Variants in SFMBT1 observed in about 807,000 individuals in gnomAD.
The protein encoded by SFMBT1 is Scm like with four mbt domains 1, also known as scm-like with four MBT domains protein 1.
SFMBT1 carries 32 observed loss-of-function variants against 108.7 expected under a neutral mutation model. That is an observed-to-expected ratio of 0.29 (90% CI 0.22 to 0.40). SFMBT1 has a LOEUF of 0.40. SFMBT1 is among the 10% of genes least tolerant of loss of function. The pLI is 1.00. For missense variants in SFMBT1, 816 were observed against 1,059.6 expected, an observed-to-expected ratio of 0.77 and a Z score of 3.19; for synonymous variants, 348 against 369.5, an observed-to-expected ratio of 0.94 and a Z score of 0.67.
At chr3:52,964,607 C>T (rs1704071001) in intron 2 of SFMBT1, among the ~76,000 whole-genome samples, 1 of 152,110 alleles carries the variant, frequency 6.6e-6, no homozygotes, top group South Asian at 2.1e-4. Context: ...AATTAGCACT[C>T]CAGCACCCAG....
chr3:52,949,830 C>T (rs971792425), intron 3 of SFMBT1, among the ~76,000 whole-genome samples: 2 of 151,932 alleles, frequency 1.3e-5, no homozygotes, highest in African/African-American at 2.4e-5. Flanking sequence ...GCACTCATCT[C>T]GGCCTCCCAA....
intron 1 of SFMBT1, among the ~76,000 whole-genome samples, chr3:53,005,106 T>C (rs993365717): frequency 3.9e-5 from 6 of 152,174 alleles, no homozygotes; most frequent in African/African-American, 1.2e-4. Context: ...ACTTTTCTTA[T>C]CAAACAGCAA....
At chr3:52,926,001 T>A in intron 10 of SFMBT1, 30 bp downstream of exon 10, 1 of 1,587,846 alleles carries the variant, frequency 6.3e-7, no homozygotes, top group Non-Finnish European at 8.6e-7. Context: ...AGCCCTGCCA[T>A]AGTGGCCATG....
intron 1 of SFMBT1, among the ~76,000 whole-genome samples, chr3:52,972,274 T>C (rs1344396368): frequency 6.6e-6 from 1 of 152,236 alleles, no homozygotes; most frequent in Admixed American, 6.5e-5. Context: ...AAGTCTTACG[T>C]AGCAGAAAGC....
intron 2 of SFMBT1, among the ~76,000 whole-genome samples, chr3:52,957,285 A>G (rs1013922113): frequency 4.6e-5 from 7 of 152,298 alleles, no homozygotes; most frequent in Admixed American, 2.6e-4. Flanking sequence ...AGACCCCTTC[A>G]AGGAGAACTA....
intron 1 of SFMBT1, among the ~76,000 whole-genome samples, chr3:53,010,413 G>A (rs1450936429): frequency 6.6e-6 from 1 of 152,246 alleles, no homozygotes; most frequent in African/African-American, 2.4e-5. Context: ...CCAGGCCAGG[G>A]GAAAGTAGCA....
In SFMBT1 at chr3:52,963,615, AT is replaced by A. The variant is rs907791468; in HGVS notation, c.28+5485del. Among the ~76,000 whole-genome samples the A allele has an allele frequency of 2.0e-3, 288 of 146,870 alleles. 1 individual carries two copies. Among genetic ancestry groups the A allele is most frequent in the African/African-American group, 5.8e-3 (232 of 40,216 alleles). ...AGGTACATGCCACTGCACCTGGCTA[AT>A]TTTTTTTTTTCTTTTTGGTAGAGAC... On this transcript the variant is annotated intron_variant, in intron 2 of 20. Transcript: ENST00000394752.
intron 1 of SFMBT1, among the ~76,000 whole-genome samples, chr3:53,001,632 A>G (rs1482789758): frequency 6.7e-6 from 1 of 149,100 alleles, no homozygotes; most frequent in East Asian, 2.0e-4. Flanking sequence ...AGCCAGGCAC[A>G]GTGGCCGCGC....
chr3:52,973,247 A>T (rs553698298), intron 1 of SFMBT1, among the ~76,000 whole-genome samples: 3 of 152,070 alleles, frequency 2.0e-5, no homozygotes, highest in Non-Finnish European at 4.4e-5. Flanking sequence ...AAATAAATAA[A>T]AGTAAAAATA....
At chr3:53,018,611 G>A (rs904428126) in intron 1 of SFMBT1, among the ~76,000 whole-genome samples, 6 of 152,134 alleles carry the variant, frequency 3.9e-5, no homozygotes, top group African/African-American at 9.7e-5. Flanking sequence ...ACAGCAAGCC[G>A]TCTCATCTCA....
chr3:53,026,189 T>C (rs1699484496), intron 1 of SFMBT1, among the ~76,000 whole-genome samples: 2 of 152,214 alleles, frequency 1.3e-5, no homozygotes, highest in Non-Finnish European at 2.9e-5. Context: ...ATGTCTCAAG[T>C]AACAGCTTAC....
At chr3:52,939,501 G>A (rs1268284015) in intron 4 of SFMBT1, among the ~76,000 whole-genome samples, 1 of 152,152 alleles carries the variant, frequency 6.6e-6, no homozygotes, top group Non-Finnish European at 1.5e-5. Context: ...TTGAACCTGG[G>A]AGGCAGAGGT....
rs1189286433 is a variant in SFMBT1 at position 52,931,011 on chromosome 3, G to C, written c.725C>G (p.Ala242Gly). 7 of 1,613,784 alleles carry C rather than the reference G, an allele frequency of 4.3e-6. No individual in the cohort carries two copies. The highest frequency in any genetic ancestry group is 4.5e-5 in the East Asian group (2 of 44,872). The change falls in exon 7 of 21, where the codon GCT (alanine) becomes GGT (glycine). Residue 242 changes from alanine (A) to glycine (G), a missense_variant. Transcript: ENST00000394752. ...PSAIRHLKNEAEWQEILAKVK... is the reference protein window; with the variant it reads ...PSAIRHLKNEGEWQEILAKVK... ...TTTGGCCAAAATCTCTTGCCACTCAGCTTCATTTTTTAGATGTCTAATGGC... is the reference window on the plus strand; with the variant it reads ...TTTGGCCAAAATCTCTTGCCACTCACCTTCATTTTTTAGATGTCTAATGGC...
chr3:52,936,300 A>G (rs1052983247), intron 4 of SFMBT1, among the ~76,000 whole-genome samples: 1 of 152,216 alleles, frequency 6.6e-6, no homozygotes, highest in Non-Finnish European at 1.5e-5. Flanking sequence ...ATTTCATAGA[A>G]AGAAGGCTTT....
chr3:52,968,678 C>T (rs1704233891), intron 2 of SFMBT1, among the ~76,000 whole-genome samples: 1 of 149,898 alleles, frequency 6.7e-6, no homozygotes, highest in South Asian at 2.1e-4. Context: ...TGGCTCACTG[C>T]AAGCTCTGCC....
chr3:52,919,589 C>T lies in SFMBT1; in HGVS notation c.1372+948G>A, dbSNP rs142242861. On this transcript the variant is annotated intron_variant, in intron 12 of 20. Transcript: ENST00000394752. The stretch of plus-strand genomic sequence containing the variant: ...AATCTGACTATGGTGATAGCTGGTA[C>T]GTCAATTGTAACACCAGAAAGCTGT... 5.3e-5 allele frequency among the ~76,000 whole-genome samples: 8 copies of T among 152,224 alleles called. No individual in the cohort carries two copies. In the East Asian group the frequency reaches 1.2e-3, roughly 22 times the overall value.
intron 12 of SFMBT1, among the ~76,000 whole-genome samples, chr3:52,919,022 G>C (rs572258983): frequency 6.6e-6 from 1 of 152,046 alleles, no homozygotes; most frequent in Non-Finnish European, 1.5e-5. Flanking sequence ...GCTCCTATGA[G>C]AATCTAATGC....
At chr3:53,004,632 T>C (rs1018851790) in intron 1 of SFMBT1, among the ~76,000 whole-genome samples, 5 of 150,148 alleles carry the variant, frequency 3.3e-5, no homozygotes, top group Non-Finnish European at 3.0e-5. Flanking sequence ...ATTCTGATTT[T>C]CACTTTTAAT....
chr3:53,026,282 T>G (rs1699487972), intron 1 of SFMBT1, among the ~76,000 whole-genome samples: 1 of 152,162 alleles, frequency 6.6e-6, no homozygotes, highest in South Asian at 2.1e-4. Context: ...AATTCTCCAG[T>G]AAGTTAACAT....
Sources: allele counts gnomAD v4.1 joint callset (sites outside exome capture counted in the v4.1 genomes callset), GRCh38; gene constraint gnomAD v4.1.1; transcripts MANE v1.5; gene names NCBI Gene and HGNC (gene_info 2026-07-23, HGNC 2026-07-21).